NBEA: variants seen among roughly 807,000 people sequenced by gnomAD.
NBEA encodes lysosomal-trafficking regulator 2.
A neutral mutation model predicts 343.4 loss-of-function variants in NBEA; 44 were observed. The ratio of observed to expected loss-of-function variants is 0.13; its 90% confidence interval spans 0.10 to 0.16. The LOEUF is 0.16. Among genes scored for constraint, NBEA ranks in the 10% least tolerant of loss-of-function variants. NBEA has a pLI of 1.00. For synonymous variants in NBEA, 1,175 were observed against 1,238.7 expected (o/e 0.95, Z 1.08); for missense variants, 2,555 against 3,631.3 (o/e 0.70, Z 7.62).
chr13:35,222,064 A>G (rs774555680), intron 33 of NBEA, among the ~76,000 whole-genome samples: 45 of 152,258 alleles, frequency 3.0e-4, no homozygotes, highest in Non-Finnish European at 5.9e-4. Flanking sequence ...GTAGAAATCC[A>G]CATTATTTTT....
intron 33 of NBEA, among the ~76,000 whole-genome samples, chr13:35,216,975 C>A (rs2074099017): frequency 6.6e-6 from 1 of 151,924 alleles, no homozygotes; most frequent in Non-Finnish European, 1.5e-5. Flanking sequence ...AACTGCAAAA[C>A]TGTCTTCTAG....
chr13:35,184,563 G>A (rs913021687), intron 30 of NBEA, among the ~76,000 whole-genome samples: 9 of 151,988 alleles, frequency 5.9e-5, no homozygotes, highest in African/African-American at 2.2e-4. Context: ...AACATGCAAA[G>A]AAGGAGAAAA....
intron 35 of NBEA, among the ~76,000 whole-genome samples, chr13:35,308,670 T>C (rs2037155403): frequency 6.9e-6 from 1 of 143,906 alleles, no homozygotes; most frequent in Non-Finnish European, 1.5e-5. Context: ...ATATATATAT[T>C]TAACCCCAAA....
At chr13:35,366,982 A>C (rs1272777416) in intron 38 of NBEA, among the ~76,000 whole-genome samples, 1 of 151,388 alleles carries the variant, frequency 6.6e-6, no homozygotes, top group Non-Finnish European at 1.5e-5. Flanking sequence ...CATATGTAAC[A>C]AAAAAATGGC....
At chr13:34,955,512 GT>G (rs2059463477) in intron 1 of NBEA, among the ~76,000 whole-genome samples, 1 of 152,056 alleles carries the variant, frequency 6.6e-6, no homozygotes, top group African/African-American at 2.4e-5. Context: ...TAGACGTCTT[GT>G]GAAAGGGATC....
intron 34 of NBEA, among the ~76,000 whole-genome samples, chr13:35,236,785 A>G (rs2075260058): frequency 1.3e-5 from 2 of 151,568 alleles, no homozygotes; most frequent in South Asian, 4.2e-4. Context: ...AATCTCCCCA[A>G]ATTATACTCA....
At chr13:35,552,179 T>G (rs75161508) in intron 43 of NBEA, among the ~76,000 whole-genome samples, 3,528 of 152,298 alleles carry the variant, frequency 0.023, 51 homozygotes, top group Non-Finnish European at 0.035. Context: ...AAAACTAATC[T>G]TTGTCTATCC....
At chr13:35,652,769 A>G (rs1262601840) in intron 53 of NBEA, among the ~76,000 whole-genome samples, 2 of 115,078 alleles carry the variant, frequency 1.7e-5, no homozygotes, top group East Asian at 3.0e-4. Flanking sequence ...ATCTCGGCTC[A>G]CTGCAACCTC....
chr13:35,640,777 C>T (rs1343427672), intron 49 of NBEA, among the ~76,000 whole-genome samples: 1 of 152,160 alleles, frequency 6.6e-6, no homozygotes, highest in Non-Finnish European at 1.5e-5. Flanking sequence ...TGTTTGTAAC[C>T]TGAAAATCAT....
intron 18 of NBEA, among the ~76,000 whole-genome samples, chr13:35,144,281 A>C (rs2068277840): frequency 6.6e-6 from 1 of 152,186 alleles, no homozygotes; most frequent in Non-Finnish European, 1.5e-5. Context: ...ATATTCATAA[A>C]GATTACAGTA....
intron 1 of NBEA, among the ~76,000 whole-genome samples, chr13:35,001,715 T>G (rs2061147544): frequency 6.6e-6 from 1 of 152,136 alleles, no homozygotes; most frequent in Non-Finnish European, 1.5e-5. Context: ...TATTGTAATT[T>G]TGTAATTACA....
At chr13:35,373,080 G>A (rs1335041955) in intron 38 of NBEA, among the ~76,000 whole-genome samples, 1 of 152,132 alleles carries the variant, frequency 6.6e-6, no homozygotes, top group Admixed American at 6.5e-5. Flanking sequence ...GTGGGAATGT[G>A]AGCCACTGGG....
intron 38 of NBEA, among the ~76,000 whole-genome samples, chr13:35,403,753 A>G (rs2152909124): frequency 1.3e-5 from 2 of 152,072 alleles, no homozygotes; most frequent in Middle Eastern, 6.8e-3. Context: ...AAATTGACAA[A>G]TGGGATCTAA....
intron 35 of NBEA, among the ~76,000 whole-genome samples, chr13:35,303,295 C>CA (rs1282064357): frequency 6.6e-6 from 1 of 152,022 alleles, no homozygotes; most frequent in African/African-American, 2.4e-5. Context: ...GTCTCATTAC[C>CA]AGTCACCTGG....
intron 38 of NBEA, among the ~76,000 whole-genome samples, chr13:35,418,115 A>G (rs1428595806): frequency 1.3e-5 from 2 of 151,710 alleles, no homozygotes; most frequent in African/African-American, 4.8e-5. Flanking sequence ...CCATCCCTTT[A>G]TTTTGAGCCT....
intron 2 of NBEA, among the ~76,000 whole-genome samples, chr13:35,043,714 TATTA>T (rs1363142444): frequency 2.0e-5 from 3 of 151,964 alleles, no homozygotes; most frequent in Non-Finnish European, 4.4e-5. Flanking sequence ...ATTAATTGAT[TATTA>T]ATTGATGAAG....
intron 45 of NBEA, among the ~76,000 whole-genome samples, chr13:35,570,090 G>A (rs1158984636): frequency 6.6e-6 from 1 of 152,214 alleles, no homozygotes; most frequent in African/African-American, 2.4e-5. Flanking sequence ...CTGGAGTGCA[G>A]TGGTGCAATC....
intron 36 of NBEA, among the ~76,000 whole-genome samples, chr13:35,323,198 G>C (rs1039488361): frequency 3.9e-5 from 6 of 152,082 alleles, no homozygotes; most frequent in Admixed American, 3.3e-4. Flanking sequence ...ATTTGACCCA[G>C]CCATCCCATT....
intron 36 of NBEA, among the ~76,000 whole-genome samples, chr13:35,344,423 G>T (rs2039759234): frequency 2.0e-5 from 3 of 151,774 alleles, no homozygotes; most frequent in African/African-American, 7.3e-5. Context: ...AAGTTTAACA[G>T]AAATCAGCAA....
Sources: gnomAD v4.1 joint callset for allele counts (sites outside exome capture counted in the v4.1 genomes callset) on GRCh38, gnomAD v4.1.1 for gene constraint, MANE v1.5 for transcripts, NCBI Gene and HGNC (gene_info 2026-07-23, HGNC 2026-07-21) for gene names.